Variants in PACRG observed in about 807,000 individuals in gnomAD.
The protein encoded by PACRG is parkin coregulated gene protein.
Under a neutral mutation model 29.7 loss-of-function variants are expected in PACRG, and 29 were observed. That is an observed-to-expected ratio of 0.98 (90% confidence interval 0.73 to 1.33). PACRG has a LOEUF of 1.33. PACRG is among the 40% of genes most tolerant of loss of function. The pLI is 0.00. For synonymous variants in PACRG, 116 were observed against 118.7 expected (o/e 0.98, Z 0.15); for missense variants, 279 against 316.2 (o/e 0.88, Z 0.89).
chr6:162,932,356 C>G (rs1468185197), intron 2 of PACRG, among the ~76,000 whole-genome samples: 1 of 151,970 alleles, frequency 6.6e-6, no homozygotes, highest in African/African-American at 2.4e-5. Context: ...TCTGTCAAAA[C>G]TTATCAAATT....
chr6:163,226,397 TA>T (rs1356663798), intron 4 of PACRG, among the ~76,000 whole-genome samples: 3 of 152,246 alleles, frequency 2.0e-5, no homozygotes, highest in Admixed American at 6.5e-5. Flanking sequence ...ATGGATATGC[TA>T]ATAAGCTTGA....
At chr6:162,842,281 T>C (rs1489085811) in intron 2 of PACRG, among the ~76,000 whole-genome samples, 1 of 138,348 alleles carries the variant, frequency 7.2e-6, no homozygotes, top group Non-Finnish European at 1.6e-5. Flanking sequence ...TGGGTGCTCC[T>C]GTATTGGGTG....
intron 4 of PACRG, among the ~76,000 whole-genome samples, chr6:163,211,827 A>G (rs1781155404): frequency 6.6e-6 from 1 of 152,186 alleles, no homozygotes; most frequent in Non-Finnish European, 1.5e-5. Context: ...GGGTAGCATA[A>G]TGCAGTGCTC....
chr6:163,282,908 C>T (rs1211726096), intron 4 of PACRG, among the ~76,000 whole-genome samples: 2 of 152,176 alleles, frequency 1.3e-5, no homozygotes, highest in East Asian at 3.8e-4. Flanking sequence ...AAAGCCTTTG[C>T]ACCCATTGCT....
intron 1 of PACRG, among the ~76,000 whole-genome samples, chr6:162,787,580 G>GTATCTA (rs746185048): frequency 0.059 from 4,026 of 68,684 alleles, 249 homozygotes; most frequent in Admixed American, 0.097. Flanking sequence ...GTGTGTGTGT[G>GTATCTA]TGTATATATA....
intron 2 of PACRG, among the ~76,000 whole-genome samples, chr6:162,893,118 T>C (rs1002069816): frequency 6.6e-6 from 1 of 151,912 alleles, no homozygotes; most frequent in Admixed American, 6.6e-5. Flanking sequence ...ATGACCTTTT[T>C]CCTTTACTGT....
chr6:163,288,775 G>A (rs544710622), intron 4 of PACRG, among the ~76,000 whole-genome samples: 1 of 152,184 alleles, frequency 6.6e-6, no homozygotes, highest in African/African-American at 2.4e-5. Context: ...GAATATACAG[G>A]GACCATAAAT....
rs372662471 is a variant in PACRG, at chr6:162,871,715, G to A, written c.291+57434G>A. Among the ~76,000 whole-genome samples, 4 of 152,012 alleles carry A rather than the reference G, an allele frequency of 2.6e-5. No homozygotes were observed. The East Asian group carries it at 5.8e-4, about 22-fold the overall frequency. On this transcript the variant is annotated intron_variant, in intron 2 of 4. Transcript: ENST00000366888. ...GGGCGGATCACGAGGTCAGGAAATC[G>A]AGACCATCCTGGCTAACATGGTGAA...
chr6:163,289,650 C>T (rs770016024), intron 4 of PACRG, among the ~76,000 whole-genome samples: 4 of 152,082 alleles, frequency 2.6e-5, no homozygotes, highest in African/African-American at 7.2e-5. Context: ...ATCCTCACTA[C>T]GTGTGGCGCA....
chr6:162,976,378 A>G (rs921392199), intron 2 of PACRG, among the ~76,000 whole-genome samples: 6 of 152,190 alleles, frequency 3.9e-5, no homozygotes, highest in Admixed American at 6.5e-5. Context: ...TGACCCTATC[A>G]TGGATGGAAA....
chr6:163,169,997 T>C (rs938928787), intron 4 of PACRG, among the ~76,000 whole-genome samples: 34 of 152,174 alleles, frequency 2.2e-4, no homozygotes, highest in African/African-American at 8.0e-4. Flanking sequence ...TGTCCTTATC[T>C]CTTTTTATAA....
chr6:162,902,529 G>A (rs1000603527), intron 2 of PACRG, among the ~76,000 whole-genome samples: 2 of 152,112 alleles, frequency 1.3e-5, no homozygotes, highest in Non-Finnish European at 2.9e-5. Context: ...TTGTAGTTAT[G>A]CCCAGTGAAC....
intron 2 of PACRG, among the ~76,000 whole-genome samples, chr6:162,893,542 C>G (rs561652088): frequency 6.6e-6 from 1 of 152,172 alleles, no homozygotes; most frequent in African/African-American, 2.4e-5. Flanking sequence ...GTAACCCACA[C>G]TCTGTTTTCA....
chr6:163,095,974 T>A (rs1451811185), intron 4 of PACRG, among the ~76,000 whole-genome samples: 1 of 152,166 alleles, frequency 6.6e-6, no homozygotes, highest in African/African-American at 2.4e-5. Flanking sequence ...TTGTGTTCGT[T>A]TCACTCCTTC....
chr6:163,105,752 C>A (rs985231858), intron 4 of PACRG, among the ~76,000 whole-genome samples: 2 of 152,028 alleles, frequency 1.3e-5, no homozygotes, highest in Non-Finnish European at 2.9e-5. Context: ...GTGACGTGAT[C>A]CTGTGACTTT....
intron 2 of PACRG, among the ~76,000 whole-genome samples, chr6:163,044,405 A>G (rs1397344283): frequency 6.6e-6 from 1 of 152,082 alleles, no homozygotes; most frequent in Non-Finnish European, 1.5e-5. Context: ...GGGCTCAAGC[A>G]ATCCTCCTGC....
Position 162,728,342 on chromosome 6 carries a change from C to T in PACRG, c.107C>T (p.Ser36Phe). The T allele has an allele frequency of 6.2e-7, 1 of 1,613,942 alleles. No individual in the cohort carries two copies. Among genetic ancestry groups the T allele is most frequent in the Non-Finnish European group, 8.5e-7 (1 of 1,180,036 alleles). The change falls in exon 1 of 5, where the codon TCT becomes TTT. Residue 36 changes from serine (S) to phenylalanine (F), a missense_variant. Transcript: ENST00000366888. ...CCGCTCCCGGTGCACCAGCCTCACT[C>T]TCTGGTTTCTGAGGGTTTCACAGTC... is the stretch of plus-strand genomic sequence containing the variant. ...QQPLPVHQPH[S>F]LVSEGFTVKA...
At chr6:163,060,341 A>G (rs539105226) in intron 2 of PACRG, among the ~76,000 whole-genome samples, 5 of 152,326 alleles carry the variant, frequency 3.3e-5, no homozygotes, top group African/African-American at 1.2e-4. Flanking sequence ...TTAGTATACA[A>G]TGTAAAATTA....
intron 2 of PACRG, among the ~76,000 whole-genome samples, chr6:162,923,209 T>C (rs1044402025): frequency 6.6e-6 from 1 of 152,186 alleles, no homozygotes; most frequent in African/African-American, 2.4e-5. Context: ...CCTTTGCCCA[T>C]TCTAAAAGTC....
Sources: allele counts gnomAD v4.1 joint callset (sites outside exome capture counted in the v4.1 genomes callset), GRCh38; gene constraint gnomAD v4.1.1; transcripts MANE v1.5; gene names NCBI Gene and HGNC (gene_info 2026-07-23, HGNC 2026-07-21).